Variants in TMEM100 observed in about 807,000 individuals in gnomAD.
The protein encoded by TMEM100 is transmembrane protein 100.
For missense variants in TMEM100, 137 were observed against 168.2 expected, an observed-to-expected ratio of 0.81 and a Z score of 1.02; for synonymous variants, 61 against 67.1, an observed-to-expected ratio of 0.91 and a Z score of 0.44.
chr17:55,728,275 T>G (rs1023912207), intron 1 of TMEM100, among the ~76,000 whole-genome samples: 1 of 152,226 alleles, frequency 6.6e-6, no homozygotes, highest in Middle Eastern at 3.2e-3. Flanking sequence ...AATTATATTA[T>G]GTACATTTTC....
intron 1 of TMEM100, among the ~76,000 whole-genome samples, chr17:55,722,027 A>T (rs943261846): frequency 6.6e-6 from 1 of 152,220 alleles, no homozygotes; most frequent in Non-Finnish European, 1.5e-5. Context: ...AAACTTTCAC[A>T]ACCTTCATTT....
chr17:55,730,718 T>C (rs1362875696), intron 1 of TMEM100, among the ~76,000 whole-genome samples: 1 of 152,238 alleles, frequency 6.6e-6, no homozygotes, highest in Non-Finnish European at 1.5e-5. Flanking sequence ...ATATTCACGA[T>C]GTGTGTGGGT....
At chr17:55,723,568 A>G (rs1032134531), upstream of TMEM100, among the ~76,000 whole-genome samples, 1 of 152,190 alleles carries the variant, frequency 6.6e-6, no homozygotes, top group Non-Finnish European at 1.5e-5. Context: ...AAGAAATGTC[A>G]CATATTAATG....
intron 1 of TMEM100, among the ~76,000 whole-genome samples, chr17:55,730,168 CTG>C (rs112403497): frequency 2.4e-4 from 36 of 152,290 alleles, no homozygotes; most frequent in African/African-American, 8.7e-4. Flanking sequence ...GGGAAATCAT[CTG>C]TCAGTTCCTC....
upstream of TMEM100, among the ~76,000 whole-genome samples, chr17:55,726,797 T>C (rs1326820564): frequency 1.3e-5 from 2 of 152,230 alleles, no homozygotes; most frequent in Non-Finnish European, 2.9e-5. Flanking sequence ...AAGTGATCTG[T>C]GCTTCTGTGT....
intron 1 of TMEM100, among the ~76,000 whole-genome samples, chr17:55,730,454 C>T (rs1234991366): frequency 6.6e-6 from 1 of 152,130 alleles, no homozygotes; most frequent in Non-Finnish European, 1.5e-5. Flanking sequence ...GAACCAAAGT[C>T]TGATTGATGC....
chr17:55,728,269 A>G (rs1909121623), intron 1 of TMEM100, among the ~76,000 whole-genome samples: 1 of 152,140 alleles, frequency 6.6e-6, no homozygotes, highest in South Asian at 2.1e-4. Context: ...TTTTAAAATT[A>G]TATTATGTAC....
chr17:55,723,612 G>A (rs1232133083), upstream of TMEM100, among the ~76,000 whole-genome samples: 2 of 152,152 alleles, frequency 1.3e-5, no homozygotes, highest in Non-Finnish European at 2.9e-5. Flanking sequence ...GAGGAAACAG[G>A]CTCAGAGAGG....
chr17:55,720,691 G>A lies in TMEM100; in HGVS notation c.380C>T (p.Ala127Val), dbSNP rs1908843390. ...TCAAGCAAACAAGCTTCTCTGATTT[G>A]CCACGAGAGCTGTTTGACTCTCCCG... Reference protein sequence around the residue: ...KRRESQTALVANQRSLFA With the variant: ...KRRESQTALVVNQRSLFA The change falls in exon 2 of 2, where the codon GCA (alanine) becomes GTA (valine). Residue 127 changes from alanine (A) to valine (V), a missense_variant. Coordinates refer to ENST00000424486, the MANE Select transcript of TMEM100 (RefSeq NM_018286.3). The A allele has an allele frequency of 6.2e-7, 1 of 1,610,444 alleles. No homozygotes were observed. The highest frequency in any genetic ancestry group is 1.3e-5 in the African/African-American group (1 of 74,756).
In TMEM100 at chr17:55,720,924, G is replaced by T; in HGVS notation, c.147C>A (p.Thr49=). Residue 49 remains threonine, a synonymous_variant, in exon 2 of 2, where the codon ACC becomes ACA. Transcript: ENST00000424486. ...EIQLMAATGG[T]ELSCYRCIIP... is the part of the protein sequence containing the mutation. ...TGATGCAGCGGTAGCAGGAGAGCTCGGTACCCCCTGTAGCAGCCATCAACT... is the reference window on the plus strand; with the variant it reads ...TGATGCAGCGGTAGCAGGAGAGCTCTGTACCCCCTGTAGCAGCCATCAACT... 1 of 1,614,148 alleles carries T rather than the reference G, an allele frequency of 6.2e-7. No homozygotes were observed. Among genetic ancestry groups the T allele is most frequent in the East Asian group, 2.2e-5 (1 of 44,888 alleles).
At chr17:55,730,907 TTAAA>T (rs573449170) in intron 1 of TMEM100, among the ~76,000 whole-genome samples, 20 of 152,366 alleles carry the variant, frequency 1.3e-4, no homozygotes, top group Non-Finnish European at 2.1e-4. Context: ...TCTTGTTTAC[TTAAA>T]TAAACTATAC....
intron 1 of TMEM100, chr17:55,721,635 A>G (rs1908893254): frequency 6.5e-6 from 1 of 153,318 alleles, no homozygotes; most frequent in African/African-American, 2.4e-5. Context: ...GTGGCCAGCA[A>G]CAAATGATGT....
upstream of TMEM100, among the ~76,000 whole-genome samples, chr17:55,725,773 A>C (rs1170231453): frequency 6.6e-6 from 1 of 151,416 alleles, no homozygotes; most frequent in African/African-American, 2.4e-5. Flanking sequence ...ACAGAGAGAA[A>C]GGGCATCAAG....
upstream of TMEM100, among the ~76,000 whole-genome samples, chr17:55,725,908 A>G (rs1909058367): frequency 6.6e-6 from 1 of 152,182 alleles, no homozygotes; most frequent in Non-Finnish European, 1.5e-5. Flanking sequence ...GAACCTGCAG[A>G]AAAGAATTCG....
Position 55,721,056 on chromosome 17 carries a change from G to A in TMEM100, c.15C>T (p.Pro5=). 1 of 1,610,566 alleles carries A rather than the reference G, an allele frequency of 6.2e-7. No individual in the cohort carries two copies. The highest frequency in any genetic ancestry group is 8.5e-7 in the Non-Finnish European group (1 of 1,178,332). MTEE[P]IKEILGAPKA... ...TTGGGGCTCCCAGGATCTCCTTGAT[G>A]GGCTCTTCAGTCATTTTTACAACAG... The change falls in exon 2 of 2, where the codon CCC becomes CCT. Residue 5 remains proline, a synonymous_variant. Coordinates refer to ENST00000424486, the MANE Select transcript of TMEM100 (RefSeq NM_018286.3).
chr17:55,723,197 TGAGGGGACAGAGCC>T (rs1278800194), upstream of TMEM100, among the ~76,000 whole-genome samples: 1 of 152,154 alleles, frequency 6.6e-6, no homozygotes, highest in Non-Finnish European at 1.5e-5. Context: ...CAGACCCGGC[TGAGGGGACAGAGCC>T]GAGGGGACAG....
At chr17:55,722,196 G>C (rs1017131824) in intron 1 of TMEM100, among the ~76,000 whole-genome samples, 7 of 152,202 alleles carry the variant, frequency 4.6e-5, no homozygotes, top group African/African-American at 1.7e-4. Flanking sequence ...GCTCAGACAT[G>C]GTTGAGTCAC....
chr17:55,720,551 T>G lies in TMEM100; in HGVS notation c.*115A>C. ...CCCCTCCACCCTCCCACCCCCATTC[T>G]TCCAGTCTGCTCCAACGCCAAGTCT... On this transcript the variant is annotated 3_prime_UTR_variant, in exon 2 of 2. Transcript: ENST00000424486. 2.7e-6 allele frequency: 2 copies of G among 744,296 alleles called. No homozygotes were observed. The highest frequency in any genetic ancestry group is 1.8e-5 in the African/African-American group (1 of 54,346). The allele number at this position is 744,296 out of a possible 1,614,324, so 46.1% of individuals were successfully genotyped here. A position where few individuals can be genotyped will look rare whatever the true frequency, so the allele number is the denominator to read the frequency against.
In TMEM100 at chr17:55,721,954, C is replaced by T. The variant is rs1382487532; in HGVS notation, c.-66+665G>A. On this transcript the variant is annotated intron_variant, in intron 1 of 1. Transcript: ENST00000424486. ...CACAAATTTTCTATTAAGCTCAACA[C>T]AAAATTTCGATATTATGTATACTAC... 8.5e-5 allele frequency: 13 copies of T among 152,302 alleles called. No individual in the cohort carries two copies. In the East Asian group the frequency reaches 2.3e-3, roughly 27 times the overall value. The allele number at this position is 152,302 out of a possible 1,614,324, so 9.4% of individuals were successfully genotyped here.
Sources: gnomAD v4.1 joint callset for allele counts (sites outside exome capture counted in the v4.1 genomes callset) on GRCh38, gnomAD v4.1.1 for gene constraint, MANE v1.5 for transcripts, NCBI Gene and HGNC (gene_info 2026-07-23, HGNC 2026-07-21) for gene names.